The following TMEM178A variants were observed in gnomAD, a reference collection of about 807,000 sequenced individuals.
The protein encoded by TMEM178A is transmembrane protein 178.
Under a neutral mutation model 29.1 loss-of-function variants are expected in TMEM178A, and 12 were observed. The ratio of observed to expected loss-of-function variants is 0.41; its 90% CI spans 0.26 to 0.67. The LOEUF is 0.67. Among genes scored for constraint, TMEM178A ranks in the 30% least tolerant of loss-of-function variants. The pLI is 0.29. For missense variants in TMEM178A, 366 were observed against 419.1 expected (o/e 0.87, Z 1.11); for synonymous variants, 210 against 187.2 (o/e 1.12, Z -0.99).
chr2:39,682,773 G>T (rs1162561778), intron 1 of TMEM178A, among the ~76,000 whole-genome samples: 1 of 152,206 alleles, frequency 6.6e-6, no homozygotes, highest in African/African-American at 2.4e-5. Flanking sequence ...GAGAAAATGA[G>T]GATGAAAGCA....
chr2:39,729,274 T>A, the TMEM178A span, among the ~76,000 whole-genome samples: 1 of 152,196 alleles, frequency 6.6e-6, no homozygotes, highest in Non-Finnish European at 1.5e-5. Flanking sequence ...CTACCCCAGC[T>A]AGCCCCTGAG....
intron 2 of TMEM178A, among the ~76,000 whole-genome samples, chr2:39,706,212 A>G (rs1464291415): frequency 6.6e-6 from 1 of 152,026 alleles, no homozygotes; most frequent in East Asian, 1.9e-4. Context: ...CAGTGATCAC[A>G]GTTGTGTTTT....
At chr2:39,670,558 C>A (rs909562704) in intron 1 of TMEM178A, among the ~76,000 whole-genome samples, 1 of 152,214 alleles carries the variant, frequency 6.6e-6, no homozygotes, top group South Asian at 2.1e-4. Context: ...AGAGTGATCA[C>A]ATGCAGCATC....
chr2:39,725,190 G>A, the TMEM178A span, among the ~76,000 whole-genome samples: 1 of 152,166 alleles, frequency 6.6e-6, no homozygotes, highest in African/African-American at 2.4e-5. Context: ...GCCATGCGGG[G>A]TGGGACGGGT....
intron 1 of TMEM178A, among the ~76,000 whole-genome samples, chr2:39,700,767 G>A (rs538098036): frequency 1.3e-5 from 2 of 149,668 alleles, no homozygotes; most frequent in East Asian, 2.0e-4. Flanking sequence ...GTTTTCTTTT[G>A]TGTTAAATAC....
chr2:39,681,431 G>T (rs1392974273), intron 1 of TMEM178A, among the ~76,000 whole-genome samples: 1 of 152,192 alleles, frequency 6.6e-6, no homozygotes, highest in Non-Finnish European at 1.5e-5. Flanking sequence ...TCATTCGGAA[G>T]ACTTAAAAGA....
chr2:39,665,771 G>GGCTCGCA, upstream of TMEM178A: 1 of 424,274 alleles, frequency 2.4e-6, no homozygotes, highest in South Asian at 1.0e-4. Flanking sequence ...GGCCGGGCCG[G>GGCTCGCA]GGGCGGGCGG....
the TMEM178A span, among the ~76,000 whole-genome samples, chr2:39,725,994 C>T: frequency 6.6e-6 from 1 of 152,188 alleles, no homozygotes; most frequent in Admixed American, 6.5e-5. Flanking sequence ...GTGCCAGAGA[C>T]TGATTTAAGT....
chr2:39,678,418 G>T (rs1400751873), intron 1 of TMEM178A, among the ~76,000 whole-genome samples: 1 of 152,178 alleles, frequency 6.6e-6, no homozygotes, highest in South Asian at 2.1e-4. Flanking sequence ...ATGAAATACT[G>T]ACACACGTTA....
rs1164291510 is a variant in TMEM178A, at chr2:39,717,784, T to G, written c.*533T>G. 1 of 153,628 alleles carries G rather than the reference T, an allele frequency of 6.5e-6. No homozygotes were observed. The highest frequency in any genetic ancestry group is 6.4e-5 in the Admixed American group (1 of 15,596). 9.5% of individuals were successfully genotyped at this position (153,628 alleles called of 1,614,324 possible). ...ATTCTTCTTCTGTTGCCTTATTGTT[T>G]TTTTTTTTTTAAGTCTCTTCTCTGT... On this transcript the variant is annotated 3_prime_UTR_variant, in exon 4 of 4. Transcript: ENST00000281961.
chr2:39,728,513 A>T, the TMEM178A span, among the ~76,000 whole-genome samples: 2 of 152,212 alleles, frequency 1.3e-5, no homozygotes, highest in Non-Finnish European at 2.9e-5. Context: ...TGGAGGAGGA[A>T]AAAATGCTAT....
At chr2:39,699,447 G>C (rs1671686748) in intron 1 of TMEM178A, among the ~76,000 whole-genome samples, 1 of 151,604 alleles carries the variant, frequency 6.6e-6, no homozygotes, top group South Asian at 2.1e-4. Context: ...ATACTGATTT[G>C]AGATCTTTCT....
At chr2:39,720,008 C>G (rs1366066099), downstream of TMEM178A, among the ~76,000 whole-genome samples, 1 of 151,936 alleles carries the variant, frequency 6.6e-6, no homozygotes, top group Non-Finnish European at 1.5e-5. Context: ...AGCTTATGTT[C>G]TAGAAAAATG....
At chr2:39,722,499 A>G (rs1416328210), downstream of TMEM178A, among the ~76,000 whole-genome samples, 1 of 152,156 alleles carries the variant, frequency 6.6e-6, no homozygotes, top group Admixed American at 6.5e-5. Flanking sequence ...TCTGATTTCC[A>G]GTTGTTTTCC....
At chr2:39,672,103 G>A (rs1670430364) in intron 1 of TMEM178A, among the ~76,000 whole-genome samples, 1 of 152,190 alleles carries the variant, frequency 6.6e-6, no homozygotes. Context: ...ACCCAAGTGT[G>A]ATATTCAATG....
At chr2:39,712,867 C>A (rs139309035) in intron 3 of TMEM178A, among the ~76,000 whole-genome samples, 1 of 152,206 alleles carries the variant, frequency 6.6e-6, no homozygotes, top group Non-Finnish European at 1.5e-5. Flanking sequence ...ATACTCCTTT[C>A]GCATACCTTG....
intron 3 of TMEM178A, among the ~76,000 whole-genome samples, chr2:39,711,194 C>G (rs796968846): frequency 4.6e-5 from 7 of 152,356 alleles, no homozygotes; most frequent in African/African-American, 1.7e-4. Flanking sequence ...CAGCTTTAAG[C>G]TTCTGCCCAT....
intron 1 of TMEM178A, among the ~76,000 whole-genome samples, chr2:39,679,123 G>A (rs1405166565): frequency 6.6e-6 from 1 of 152,102 alleles, no homozygotes; most frequent in Admixed American, 6.5e-5. Context: ...TGTACTGTAT[G>A]GTTTCCTTGT....
intron 1 of TMEM178A, among the ~76,000 whole-genome samples, chr2:39,680,929 G>A (rs1670844083): frequency 6.6e-6 from 1 of 152,046 alleles, no homozygotes; most frequent in Non-Finnish European, 1.5e-5. Flanking sequence ...TAAATACCTG[G>A]AAGTTATACT....
Sources: gnomAD v4.1 joint callset for allele counts (sites outside exome capture counted in the v4.1 genomes callset) on GRCh38, gnomAD v4.1.1 for gene constraint, MANE v1.5 for transcripts, NCBI Gene and HGNC (gene_info 2026-07-23, HGNC 2026-07-21) for gene names.